MME: variants seen among roughly 807,000 people sequenced by gnomAD.
The protein encoded by MME is membrane metalloendopeptidase, also known as neprilysin.
MME carries 98 observed loss-of-function variants against 113.2 expected under a neutral mutation model. The observed-to-expected ratio is 0.87, with a 90% CI of 0.74 to 1.02. MME has a LOEUF of 1.02. Ranked by LOEUF, MME falls within the 50% of genes least tolerant of loss-of-function variation. The pLI is 0.00. For synonymous variants in MME, 292 were observed against 300.6 expected, an observed-to-expected ratio of 0.97 and a Z score of 0.30; for missense variants, 836 against 896.0, an observed-to-expected ratio of 0.93 and a Z score of 0.86.
chr3:155,088,406 G>A (rs1038268484), intron 3 of MME, among the ~76,000 whole-genome samples: 2 of 152,176 alleles, frequency 1.3e-5, no homozygotes, highest in Non-Finnish European at 2.9e-5. Flanking sequence ...AGAGAAGGCT[G>A]GGCACGGTGG....
chr3:155,159,047 A>T (rs979945086), intron 16 of MME: 21 of 152,116 alleles, frequency 1.4e-4, no homozygotes, highest in Non-Finnish European at 2.8e-4. Context: ...TTATATAAAA[A>T]GTCTTGATAA....
chr3:155,074,614 C>T (rs531403094), intron 1 of MME, among the ~76,000 whole-genome samples: 1 of 151,856 alleles, frequency 6.6e-6, no homozygotes, highest in African/African-American at 2.4e-5. Flanking sequence ...GTATTTTTAG[C>T]AGAGGGGAGG....
chr3:155,143,562 T>C lies in MME; in HGVS notation c.1308T>C (p.Ser436=), dbSNP rs775163892. 6.2e-7 allele frequency: 1 copy of C among 1,612,076 alleles called. No homozygotes were observed. Among genetic ancestry groups the C allele is most frequent in the South Asian group, 1.1e-5 (1 of 91,052 alleles). The part of the protein sequence containing the change: ...LYVEAAFAGE[S]KHVVEDLIAQ... ...TGGAAGCAGCATTTGCTGGAGAGAG[T>C]AAACATGTGGTAATGTTTTCAGAAT... The change falls in exon 13 of 23, where the codon AGT becomes AGC. Residue 436 remains serine (S), a synonymous_variant. Transcript: ENST00000360490.
At chr3:155,059,423 A>G (rs1465067118) in intron 1 of MME, among the ~76,000 whole-genome samples, 3 of 144,146 alleles carry the variant, frequency 2.1e-5, no homozygotes, top group African/African-American at 7.8e-5. Context: ...ATTTCAATCT[A>G]TTTATTCCAC....
At chr3:155,114,464 T>A (rs1387841448) in intron 3 of MME, among the ~76,000 whole-genome samples, 1 of 152,228 alleles carries the variant, frequency 6.6e-6, no homozygotes, top group Non-Finnish European at 1.5e-5. Context: ...ATGTCAAATT[T>A]GAATTACAAA....
chr3:155,138,740 A>T (rs1328084708), intron 9 of MME, among the ~76,000 whole-genome samples: 4 of 152,152 alleles, frequency 2.6e-5, no homozygotes, highest in Non-Finnish European at 5.9e-5. Context: ...AGGGTAAGAC[A>T]ATAATTTTGC....
chr3:155,158,066 A>G (rs1456375066), intron 16 of MME, among the ~76,000 whole-genome samples: 1 of 152,122 alleles, frequency 6.6e-6, no homozygotes, highest in Non-Finnish European at 1.5e-5. Flanking sequence ...TATAAACTTC[A>G]TTCGTGTCCT....
At chr3:155,024,486 A>G (rs1290735832) in intron 1 of MME, among the ~76,000 whole-genome samples, 1 of 152,206 alleles carries the variant, frequency 6.6e-6, no homozygotes, top group Non-Finnish European at 1.5e-5. Flanking sequence ...AATTTGGTGT[A>G]TGTATTGATT....
intron 16 of MME, among the ~76,000 whole-genome samples, chr3:155,153,470 A>G (rs76069778): frequency 0.018 from 2,751 of 152,326 alleles, 70 homozygotes; most frequent in East Asian, 0.057. Context: ...TTGGTTACTT[A>G]ACAATATTTC....
rs1450541691 is a variant in MME at position 155,042,846 on chromosome 3, G to A, written c.-11+18522G>A. Among the ~76,000 whole-genome samples the A allele has an allele frequency of 7.1e-5, 10 of 140,614 alleles. No homozygotes were observed. The Admixed American group carries it at 7.3e-4, about 10-fold the overall frequency. The allele number at this position is 140,614 out of a possible 152,430, so 92.2% of individuals were successfully genotyped here. ...TATTTTCTGCTACATTTTATCTTAA[G>A]AGGCCATTCAAGTAAACCCCATGTA... On this transcript the variant is annotated intron_variant, in intron 1 of 22. Transcript: ENST00000492661.
chr3:155,170,518 T>C (rs1462604527), intron 20 of MME, among the ~76,000 whole-genome samples: 1 of 152,218 alleles, frequency 6.6e-6, no homozygotes, highest in African/African-American at 2.4e-5. Context: ...TATTCTCAAC[T>C]GCTGAGATAA....
At chr3:155,116,279 A>G (rs1438307469) in intron 4 of MME, among the ~76,000 whole-genome samples, 200 bp from the exon 5 acceptor site, 1 of 151,970 alleles carries the variant, frequency 6.6e-6, no homozygotes, top group Non-Finnish European at 1.5e-5. Flanking sequence ...TGTGCTAGGA[A>G]TGATAATCTG....
intron 18 of MME, 83 bp downstream of exon 18, chr3:155,167,104 A>G (rs2108363193): frequency 2.7e-6 from 4 of 1,492,698 alleles, no homozygotes; most frequent in East Asian, 4.6e-5. Context: ...ATTACTACAA[A>G]GCTACATTTA....
chr3:155,144,332 T>C (rs768341910), intron 13 of MME, 27 bp from the exon 14 acceptor site: 2 of 1,422,408 alleles, frequency 1.4e-6, no homozygotes, highest in East Asian at 2.3e-5. Context: ...ATTAATGACC[T>C]ATATTTGTCT....
At chr3:155,160,060 A>T (rs1722601988) in intron 16 of MME, among the ~76,000 whole-genome samples, 1 of 152,048 alleles carries the variant, frequency 6.6e-6, no homozygotes, top group South Asian at 2.1e-4. Context: ...AGTATCAGGA[A>T]CATAAAGCTA....
intron 1 of MME, among the ~76,000 whole-genome samples, chr3:155,048,871 TC>T: frequency 6.6e-6 from 1 of 152,242 alleles, no homozygotes; most frequent in South Asian, 2.1e-4. Context: ...GCTTTCCATA[TC>T]TTTTACATTG....
chr3:155,169,504 G>A lies in MME; in HGVS notation c.1980+707G>A, dbSNP rs1350327005. On this transcript the variant is annotated intron_variant, in intron 20 of 22. Coordinates refer to ENST00000360490, the MANE Select transcript of MME (RefSeq NM_007289.4). The stretch of plus-strand genomic sequence containing the variant: ...GTCATTATTTGAGGATCTGAGCAAG[G>A]GTTAAAAAATAGTCTGGTGGATGCC... 2.6e-5 allele frequency among the ~76,000 whole-genome samples: 4 copies of A among 152,232 alleles called. No homozygotes were observed. In the East Asian group the frequency reaches 7.7e-4, roughly 29 times the overall value.
chr3:155,043,722 T>C (rs992321145), intron 1 of MME, among the ~76,000 whole-genome samples: 1 of 152,180 alleles, frequency 6.6e-6, no homozygotes, highest in African/African-American at 2.4e-5. Context: ...CCTTTTATTA[T>C]GTTTCCTATA....
chr3:155,115,164 A>T lies in MME; in HGVS notation c.358+9A>T. ...AGAAGTCGTTTTGAAAGGTTAGTAG[A>T]GATTGTGTCTGTGCATCAAAGATTT... On this transcript the variant is annotated intron_variant, in intron 4 of 22. Transcript: ENST00000360490. The T allele has an allele frequency of 6.2e-7, 1 of 1,613,784 alleles. No homozygotes were observed. The highest frequency in any genetic ancestry group is 1.3e-5 in the African/African-American group (1 of 75,026).
Sources: allele counts gnomAD v4.1 joint callset (sites outside exome capture counted in the v4.1 genomes callset), GRCh38; gene constraint gnomAD v4.1.1; transcripts MANE v1.5; gene names NCBI Gene and HGNC (gene_info 2026-07-23, HGNC 2026-07-21).